SGCD: variants seen among roughly 807,000 people sequenced by gnomAD.
The protein encoded by SGCD is sarcoglycan delta.
In SGCD, 18 loss-of-function variants were observed where a neutral mutation model predicts 36.6. That is an observed-to-expected ratio of 0.49 (90% confidence interval 0.34 to 0.73). The LOEUF is 0.73. SGCD is among the 30% of genes least tolerant of loss of function. The pLI is 0.01. For synonymous variants in SGCD, 133 were observed against 130.6 expected, an observed-to-expected ratio of 1.02 and a Z score of -0.12; for missense variants, 387 against 346.7, an observed-to-expected ratio of 1.12 and a Z score of -0.92.
At chr5:156,013,742 T>C (rs1183512808) in intron 1 of SGCD, among the ~76,000 whole-genome samples, 1 of 152,198 alleles carries the variant, frequency 6.6e-6, no homozygotes, top group Non-Finnish European at 1.5e-5. Flanking sequence ...ATAACTGATA[T>C]GAATATTTTT....
the SGCD span, among the ~76,000 whole-genome samples, chr5:155,823,912 C>T: frequency 7.9e-4 from 120 of 152,290 alleles, no homozygotes; most frequent in African/African-American, 2.8e-3. Context: ...TCCCAGATTA[C>T]CGCATGAGGA....
At chr5:155,966,023 C>T (rs1757896394) in intron 1 of SGCD, among the ~76,000 whole-genome samples, 1 of 151,962 alleles carries the variant, frequency 6.6e-6, no homozygotes, top group South Asian at 2.1e-4. Context: ...TGATTTAAGC[C>T]ACTTAAAAAA....
chr5:156,039,169 T>G (rs909392624), intron 1 of SGCD, among the ~76,000 whole-genome samples: 1 of 152,074 alleles, frequency 6.6e-6, no homozygotes, highest in Non-Finnish European at 1.5e-5. Context: ...TAAGAACCAA[T>G]AAGACCATTT....
chr5:156,556,231 A>G (rs1335330983), intron 4 of SGCD, among the ~76,000 whole-genome samples: 1 of 151,898 alleles, frequency 6.6e-6, no homozygotes, highest in Non-Finnish European at 1.5e-5. Context: ...TGTGTTCCCT[A>G]TTAGAGCAGA....
intron 3 of SGCD, among the ~76,000 whole-genome samples, chr5:156,416,621 A>G (rs1322053172): frequency 6.6e-6 from 1 of 152,206 alleles, no homozygotes; most frequent in Non-Finnish European, 1.5e-5. Flanking sequence ...ACTGTATGAC[A>G]AGTCCTGTGT....
intron 6 of SGCD, among the ~76,000 whole-genome samples, chr5:156,619,622 T>C (rs1762165370): frequency 6.6e-6 from 1 of 152,210 alleles, no homozygotes; most frequent in Admixed American, 6.5e-5. Context: ...AACAGTTACC[T>C]GAGTAGAATT....
chr5:156,689,081 T>C (rs1754015989), intron 7 of SGCD, among the ~76,000 whole-genome samples: 1 of 152,204 alleles, frequency 6.6e-6, no homozygotes, highest in South Asian at 2.1e-4. Context: ...AGAAGACTGG[T>C]AAAATCCAAA....
chr5:156,405,785 C>A (rs895045088), intron 3 of SGCD, among the ~76,000 whole-genome samples: 1 of 152,016 alleles, frequency 6.6e-6, no homozygotes, highest in Non-Finnish European at 1.5e-5. Flanking sequence ...TTTTGTCTTG[C>A]CTCCCTGGCT....
At chr5:156,361,058 C>T (rs1035100167) in intron 3 of SGCD, among the ~76,000 whole-genome samples, 5 of 152,192 alleles carry the variant, frequency 3.3e-5, no homozygotes, top group Non-Finnish European at 1.5e-5. Context: ...GTAAGCCCCT[C>T]TGGGGCTTCG....
the SGCD span, among the ~76,000 whole-genome samples, chr5:155,840,893 C>T: frequency 6.6e-6 from 1 of 151,224 alleles, no homozygotes; most frequent in East Asian, 2.0e-4. Flanking sequence ...TGCCTGTAAT[C>T]TCAGCTATTC....
At chr5:155,752,024 T>C in the SGCD span, among the ~76,000 whole-genome samples, 1 of 152,176 alleles carries the variant, frequency 6.6e-6, no homozygotes, top group Admixed American at 6.5e-5. Flanking sequence ...TGAGATAATA[T>C]ATGCAATGTC....
At chr5:156,674,605 A>G (rs1484803301) in intron 7 of SGCD, among the ~76,000 whole-genome samples, 1 of 152,208 alleles carries the variant, frequency 6.6e-6, no homozygotes, top group Admixed American at 6.5e-5. Flanking sequence ...TGTGTCAAGC[A>G]TCAGAAGGAG....
At position 156,238,180 on chromosome 5, in the gene SGCD, C is replaced by A. The variant is rs561952627; in HGVS notation, c.-43-91354C>A. ...CTCTTCTCAAATTCCTGGGCTCAAG[C>A]GATCCTTCCGCCTTAGCCTTCCAAA... On this transcript the variant is annotated intron_variant, in intron 3 of 9. Transcript: ENST00000517913. Among the ~76,000 whole-genome samples the A allele has an allele frequency of 2.6e-5, 4 of 152,228 alleles. 1 individual carries two copies. In the East Asian group the frequency reaches 7.7e-4, roughly 29 times the overall value.
chr5:155,771,206 G>A, the SGCD span, among the ~76,000 whole-genome samples: 2 of 151,948 alleles, frequency 1.3e-5, no homozygotes, highest in African/African-American at 4.8e-5. Flanking sequence ...ACCATGCCCT[G>A]CCATGTTGCA....
At chr5:155,957,895 A>G (rs907097238) in intron 1 of SGCD, among the ~76,000 whole-genome samples, 2 of 152,158 alleles carry the variant, frequency 1.3e-5, no homozygotes, top group Non-Finnish European at 2.9e-5. Context: ...TGAGTACGTC[A>G]TTCACAGTAA....
At chr5:156,615,186 T>G (rs897053813) in intron 6 of SGCD, among the ~76,000 whole-genome samples, 4 of 152,212 alleles carry the variant, frequency 2.6e-5, no homozygotes, top group Non-Finnish European at 5.9e-5. Context: ...AGAGGCATCT[T>G]CAGTGACAAC....
At position 156,508,713 on chromosome 5, in the gene SGCD, G is replaced by A. The variant is rs768750774; in HGVS notation, c.294+11G>A. ...ATCCAGTCCCGACCAGTAAGTTTCT[G>A]CTGAGAGAAGGAGGCATTATTGTTG... On this transcript the variant is annotated intron_variant, in intron 4 of 8. Coordinates refer to ENST00000337851, the MANE Select transcript of SGCD (RefSeq NM_000337.6). 4 of 1,464,800 alleles carry A rather than the reference G, an allele frequency of 2.7e-6. No individual in the cohort carries two copies. Among genetic ancestry groups the A allele is most frequent in the Non-Finnish European group, 3.8e-6 (4 of 1,053,514 alleles). 90.7% of individuals were successfully genotyped at this position (1,464,800 alleles called of 1,614,324 possible). A position where few individuals can be genotyped will look rare whatever the true frequency, so the allele number is the denominator to read the frequency against.
At chr5:156,143,440 C>T (rs1581126386) in intron 3 of SGCD, among the ~76,000 whole-genome samples, 1 of 152,168 alleles carries the variant, frequency 6.6e-6, no homozygotes. Flanking sequence ...GTGAGAGGAG[C>T]ACCAACACCC....
At chr5:156,514,792 C>G (rs760239540) in intron 4 of SGCD, among the ~76,000 whole-genome samples, 2 of 152,134 alleles carry the variant, frequency 1.3e-5, no homozygotes, top group Non-Finnish European at 2.9e-5. Context: ...ATTGTTTAAC[C>G]TTTCAAATGC....
Sources: gnomAD v4.1 joint callset for allele counts (sites outside exome capture counted in the v4.1 genomes callset) on GRCh38, gnomAD v4.1.1 for gene constraint, MANE v1.5 for transcripts, NCBI Gene and HGNC (gene_info 2026-07-23, HGNC 2026-07-21) for gene names.